The following NFS1 variants were observed in gnomAD, a reference collection of about 807,000 sequenced individuals.
NFS1 encodes cysteine desulfurase.
A neutral mutation model predicts 57.3 loss-of-function variants in NFS1; 26 were observed. That is an observed-to-expected ratio of 0.45 (90% CI 0.33 to 0.63). NFS1 has a LOEUF of 0.63. Among genes scored for constraint, NFS1 ranks in the 20% least tolerant of loss-of-function variants. The pLI, the probability that NFS1 is intolerant of heterozygous loss-of-function variation, is 0.02. For missense variants in NFS1, 505 were observed against 605.8 expected (o/e 0.83, Z 1.75); for synonymous variants, 209 against 216.3 (o/e 0.97, Z 0.30).
intron 4 of NFS1, chr20:35,694,455 C>T (rs2035097149): frequency 6.6e-6 from 1 of 151,642 alleles, no homozygotes; most frequent in African/African-American, 2.4e-5. Context: ...GAGACCCTGT[C>T]TTATAAAAAA....
chr20:35,695,445 T>A (rs570844341), intron 4 of NFS1, among the ~76,000 whole-genome samples: 2 of 152,198 alleles, frequency 1.3e-5, no homozygotes, highest in Non-Finnish European at 2.9e-5. Context: ...CACATAATCC[T>A]GGCAACCAGG....
rs767613380 is a variant in NFS1 at position 35,674,647 on chromosome 20, G to A, written c.949-30C>T. ...GGAGCAGGCAAGGAAGGATTAGGCA[G>A]TAACCATTAACCAGCTCAGAAAGAC... is the stretch of plus-strand genomic sequence containing the variant. On this transcript the variant is annotated intron_variant, in intron 8 of 12. Transcript: ENST00000374092. 5.2e-6 allele frequency: 8 copies of A among 1,551,418 alleles called. No individual in the cohort carries two copies. In the South Asian group the frequency reaches 8.9e-5, roughly 17 times the overall value.
intron 6 of NFS1, among the ~76,000 whole-genome samples, chr20:35,681,409 T>C (rs2034846762): frequency 6.6e-6 from 1 of 152,190 alleles, no homozygotes; most frequent in Non-Finnish European, 1.5e-5. Flanking sequence ...TAAAAGGTGC[T>C]AGACCTGGCC....
At chr20:35,677,965 C>T (rs149400726) in intron 7 of NFS1, among the ~76,000 whole-genome samples, 53 of 152,176 alleles carry the variant, frequency 3.5e-4, no homozygotes, top group African/African-American at 1.3e-3. Context: ...GTAATTCCGG[C>T]ACTTTGGGAG....
chr20:35,685,625 G>A (rs948246564), intron 5 of NFS1, among the ~76,000 whole-genome samples: 10 of 148,590 alleles, frequency 6.7e-5, no homozygotes, highest in Admixed American at 3.4e-4. Flanking sequence ...TTGAGAGGCC[G>A]AGACAGGCGG....
intron 5 of NFS1, among the ~76,000 whole-genome samples, chr20:35,688,590 T>G (rs1488334837): frequency 6.6e-6 from 1 of 151,898 alleles, no homozygotes; most frequent in African/African-American, 2.4e-5. Flanking sequence ...TTTAGCCAGG[T>G]GAGGTGAGCC....
At chr20:35,698,788 C>T in intron 1 of NFS1, 198 bp from the exon 2 acceptor site, 1 of 1,390,574 alleles carries the variant, frequency 7.2e-7, no homozygotes, top group Non-Finnish European at 9.3e-7. Context: ...AGAGAGGGTT[C>T]CTGGAGGGGG....
chr20:35,692,965 G>A (rs1364535626), intron 4 of NFS1, among the ~76,000 whole-genome samples: 1 of 151,398 alleles, frequency 6.6e-6, no homozygotes, highest in Non-Finnish European at 1.5e-5. Context: ...TTACGGCACT[G>A]CACTCCAGCC....
At chr20:35,698,845 G>A (rs1601541107) in intron 1 of NFS1, 2 of 1,357,190 alleles carry the variant, frequency 1.5e-6, no homozygotes, top group Non-Finnish European at 1.9e-6. Context: ...AGGCTCTAAA[G>A]GGCAAAGACG....
At chr20:35,698,944 T>C in intron 1 of NFS1, 1 of 1,311,092 alleles carries the variant, frequency 7.6e-7, no homozygotes, top group South Asian at 2.3e-5. Flanking sequence ...CATCTGTAAC[T>C]TGGCCAGGAG....
chr20:35,679,417 C>T (rs192415986), intron 7 of NFS1, among the ~76,000 whole-genome samples: 196 of 152,166 alleles, frequency 1.3e-3, no homozygotes, highest in African/African-American at 4.5e-3. Flanking sequence ...CTCCTGACCT[C>T]GTGATCCGCC....
chr20:35,698,343 C>T (rs189239945), intron 2 of NFS1, 138 bp downstream of exon 2: 2 of 670,428 alleles, frequency 3.0e-6, no homozygotes, highest in African/African-American at 1.8e-5. Context: ...CGAATTTAAG[C>T]CTCCCGACTC....
chr20:35,687,811 G>A (rs1319753171), intron 5 of NFS1, among the ~76,000 whole-genome samples: 1 of 152,222 alleles, frequency 6.6e-6, no homozygotes, highest in Non-Finnish European at 1.5e-5. Context: ...AAAGAAATGA[G>A]AGGAGGCCGA....
At position 35,675,409 on chromosome 20, in the gene NFS1, G is replaced by A. The variant is rs146588201; in HGVS notation, c.791-207C>T. The A allele has an allele frequency of 3.3e-4, 205 of 620,032 alleles. 1 individual carries two copies. The African/African-American group carries it at 3.5e-3, about 11-fold the overall frequency. The allele number at this position is 620,032 out of a possible 1,614,324, so 38.4% of individuals were successfully genotyped here. ...AACATCTGGAAGATAAATGCCAGAA[G>A]GAGTAATGATCAAAATGGTTTAAAG... On this transcript the variant is annotated intron_variant, in intron 7 of 12. Coordinates refer to ENST00000374092, the MANE Select transcript of NFS1 (RefSeq NM_021100.5).
Position 35,699,320 on chromosome 20 carries a change from C to G in NFS1, c.-32G>C. 1 of 1,395,484 alleles carries G rather than the reference C, an allele frequency of 7.2e-7. No individual in the cohort carries two copies. Among genetic ancestry groups the G allele is most frequent in the South Asian group, 1.5e-5 (1 of 64,686 alleles). The allele number at this position is 1,395,484 out of a possible 1,614,324, so 86.4% of individuals were successfully genotyped here. A position where few individuals can be genotyped will look rare whatever the true frequency, so the allele number is the denominator to read the frequency against. On this transcript the variant is annotated 5_prime_UTR_variant, in exon 1 of 13. Coordinates refer to ENST00000374092, the MANE Select transcript of NFS1 (RefSeq NM_021100.5). The surrounding 1 kb of genome is among the most constrained non-coding windows in gnomAD (Gnocchi z 4.4). Reference sequence around the variant, plus strand: ...GCTGGCAGAGCCCACCTTCCGAAGCCGCTGCAGTCCTGGGCCCCAGGCTCC... The same window carrying G: ...GCTGGCAGAGCCCACCTTCCGAAGCGGCTGCAGTCCTGGGCCCCAGGCTCC...
intron 1 of NFS1, chr20:35,698,915 G>C: frequency 7.6e-7 from 1 of 1,312,776 alleles, no homozygotes; most frequent in Non-Finnish European, 9.7e-7. Context: ...GTAACGGTCT[G>C]CACGGGAGCC....
rs2035024170 is a variant in NFS1 at position 35,690,499 on chromosome 20, C to T, written c.475G>A (p.Val159Ile). 3.1e-6 allele frequency: 5 copies of T among 1,614,094 alleles called. No individual in the cohort carries two copies. The highest frequency in any genetic ancestry group is 1.1e-5 in the South Asian group (1 of 91,080). ...LITTQTEHKCVLDSCRSLEAE... is the reference protein window; with the variant it reads ...LITTQTEHKCILDSCRSLEAE... ...TCCAGTGAACGGCAGGAGTCCAAGA[C>T]ACATTTGTGTTCTGTCTGGGTGGTG... is the stretch of plus-strand genomic sequence containing the variant. The change falls in exon 5 of 13, where the codon GTC becomes ATC. Residue 159 changes from valine (V) to isoleucine (I), a missense_variant. Val to Ile is a conservative substitution (Grantham distance 29). Coordinates refer to ENST00000374092, the MANE Select transcript of NFS1 (RefSeq NM_021100.5).
chr20:35,682,592 C>T (rs1437028493), intron 5 of NFS1: 1 of 149,906 alleles, frequency 6.7e-6, no homozygotes, highest in Non-Finnish European at 1.5e-5. Flanking sequence ...AGTTCGAGAC[C>T]AGCCTGGCGA....
chr20:35,690,301 T>C (rs2035020447), intron 5 of NFS1, 112 bp downstream of exon 5: 1 of 1,022,428 alleles, frequency 9.8e-7, no homozygotes, highest in Non-Finnish European at 1.5e-6. Flanking sequence ...CTAAACTTCA[T>C]CCTAACTGTT....
Sources: allele counts gnomAD v4.1 joint callset (sites outside exome capture counted in the v4.1 genomes callset), GRCh38; gene constraint gnomAD v4.1.1; non-coding constraint Gnocchi (gnomAD v3.1); transcripts MANE v1.5; gene names NCBI Gene and HGNC (gene_info 2026-07-23, HGNC 2026-07-21).